The following LDLRAD4 variants were observed in gnomAD, a reference collection of about 807,000 sequenced individuals.
LDLRAD4 encodes the protein low density lipoprotein receptor class A domain containing 4.
LDLRAD4 carries 5 observed loss-of-function variants against 17.0 expected under a neutral mutation model. That is an observed-to-expected ratio of 0.29 (90% CI 0.15 to 0.62). The LOEUF (loss-of-function observed/expected upper bound fraction) is 0.62, where lower values mean the gene tolerates loss of function less well. Ranked by LOEUF, LDLRAD4 falls within the 20% of genes least tolerant of loss-of-function variation. The pLI is 0.84. For synonymous variants in LDLRAD4, 168 were observed against 171.8 expected, an observed-to-expected ratio of 0.98 and a Z score of 0.17; for missense variants, 340 against 424.7, an observed-to-expected ratio of 0.80 and a Z score of 1.75.
chr18:13,414,320 G>A (rs1193651123), intron 2 of LDLRAD4, among the ~76,000 whole-genome samples: 2 of 152,238 alleles, frequency 1.3e-5, no homozygotes, highest in African/African-American at 4.8e-5. Context: ...CATCCTTGTA[G>A]GATGGGGTTA....
chr18:13,465,108 G>A (rs79715072), intron 3 of LDLRAD4: 1 of 152,178 alleles, frequency 6.6e-6, no homozygotes, highest in Non-Finnish European at 1.5e-5. Flanking sequence ...CTCCATCGCT[G>A]TTAGTAAGTA....
In LDLRAD4 at chr18:13,641,888, A is replaced by G. The variant is rs370173487; in HGVS notation, c.337-1471A>G. 354 of 985,472 alleles carry G rather than the reference A, an allele frequency of 3.6e-4. 7 individuals are homozygous for G. The South Asian group carries it at 0.015, about 42-fold the overall frequency. The allele number at this position is 985,472 out of a possible 1,614,324, so 61.0% of individuals were successfully genotyped here. ...TTTCAGGAACCGCTCAGCCCCTCTG[A>G]GTGCCCCGCAGATGGACCTGGCGGC... On this transcript the variant is annotated intron_variant, in intron 4 of 5. Coordinates refer to ENST00000359446, the Ensembl canonical transcript of LDLRAD4.
intron 4 of LDLRAD4, among the ~76,000 whole-genome samples, chr18:13,629,831 T>G (rs1601813288): frequency 6.6e-6 from 1 of 151,178 alleles, no homozygotes; most frequent in South Asian, 2.1e-4. Context: ...TAACTCTGGG[T>G]GGCCCCTGTT....
chr18:13,635,251 C>T (rs1450616040), intron 4 of LDLRAD4, among the ~76,000 whole-genome samples: 1 of 152,142 alleles, frequency 6.6e-6, no homozygotes, highest in East Asian at 1.9e-4. Context: ...GATGAGGCCA[C>T]TCTTCCCGGT....
intron 3 of LDLRAD4, among the ~76,000 whole-genome samples, chr18:13,545,683 A>C (rs774908799): frequency 2.3e-4 from 35 of 152,180 alleles, no homozygotes; most frequent in Non-Finnish European, 4.3e-4. Flanking sequence ...GGAGGGTGGG[A>C]AACTGGCGGG....
intron 2 of LDLRAD4, among the ~76,000 whole-genome samples, chr18:13,425,214 G>T (rs1013645503): frequency 6.6e-6 from 1 of 152,190 alleles, no homozygotes; most frequent in Non-Finnish European, 1.5e-5. Flanking sequence ...TTTAAAGGTG[G>T]TAAGCCTTAT....
intron 1 of LDLRAD4, among the ~76,000 whole-genome samples, chr18:13,270,445 C>T (rs960559283): frequency 2.6e-5 from 4 of 152,050 alleles, no homozygotes; most frequent in African/African-American, 9.7e-5. Context: ...TTGGCCGGGT[C>T]GAGAGGGCAA....
At chr18:13,559,135 C>T (rs1248143869) in intron 3 of LDLRAD4, among the ~76,000 whole-genome samples, 1 of 152,220 alleles carries the variant, frequency 6.6e-6, no homozygotes, top group Non-Finnish European at 1.5e-5. Context: ...GTAAAGGTGT[C>T]ACTGTCTCTT....
At chr18:13,247,957 C>CA (rs1555627098) in intron 1 of LDLRAD4, among the ~76,000 whole-genome samples, 1 of 96,092 alleles carries the variant, frequency 1.0e-5, no homozygotes, top group Admixed American at 1.4e-4. Context: ...CGCCGCCCCC[C>CA]GCCTTTTTTT....
chr18:13,236,115 G>C (rs2042316371), intron 1 of LDLRAD4, among the ~76,000 whole-genome samples: 1 of 152,128 alleles, frequency 6.6e-6, no homozygotes, highest in Admixed American at 6.5e-5. Flanking sequence ...GCGCGGTGGA[G>C]TTGCTATGGG....
chr18:13,645,065 G>T lies in LDLRAD4; in HGVS notation c.391-62G>T. On this transcript the variant is annotated intron_variant, in intron 5 of 5. Transcript: ENST00000359446. This position sits in a 1 kb window ranked among gnomAD's most constrained non-coding sequence, Gnocchi z 5.7. ...ACCAAGCGTAACTTTCCTTGATTCT[G>T]ACACATTTATGGTCATCATTGCGCT... 2 of 1,370,210 alleles carry T rather than the reference G, an allele frequency of 1.5e-6. No individual in the cohort carries two copies. Among genetic ancestry groups the T allele is most frequent in the South Asian group, 2.7e-5 (2 of 74,338 alleles). The allele number at this position is 1,370,210 out of a possible 1,614,324, so 84.9% of individuals were successfully genotyped here.
chr18:13,517,010 C>T (rs914367290), intron 3 of LDLRAD4, among the ~76,000 whole-genome samples: 6 of 152,156 alleles, frequency 3.9e-5, no homozygotes, highest in African/African-American at 1.2e-4. Flanking sequence ...CTGCCACACC[C>T]GGCTAATTGT....
At chr18:13,331,734 C>T (rs1308829784) in intron 1 of LDLRAD4, among the ~76,000 whole-genome samples, 1 of 152,226 alleles carries the variant, frequency 6.6e-6, no homozygotes, top group East Asian at 1.9e-4. Context: ...TGACTATAAC[C>T]ATGAACAGTA....
intron 4 of LDLRAD4, among the ~76,000 whole-genome samples, chr18:13,639,311 C>A (rs1018022370): frequency 6.6e-6 from 1 of 152,182 alleles, no homozygotes; most frequent in Non-Finnish European, 1.5e-5. Context: ...AGACCCCCAA[C>A]CTAGACAAGG....
intron 1 of LDLRAD4, among the ~76,000 whole-genome samples, chr18:13,312,579 A>G (rs894072043): frequency 1.3e-5 from 2 of 152,132 alleles, no homozygotes; most frequent in South Asian, 4.1e-4. Flanking sequence ...CCATCCCTAC[A>G]AAATGTACAG....
intron 3 of LDLRAD4, among the ~76,000 whole-genome samples, chr18:13,568,417 C>G (rs2094637219): frequency 6.6e-6 from 1 of 152,260 alleles, no homozygotes; most frequent in South Asian, 2.1e-4. Flanking sequence ...CACTTAGTGT[C>G]CAGCTCTGAG....
At chr18:13,532,263 A>T (rs1263324844) in intron 3 of LDLRAD4, among the ~76,000 whole-genome samples, 1 of 152,228 alleles carries the variant, frequency 6.6e-6, no homozygotes, top group African/African-American at 2.4e-5. Context: ...GAAGCAGCCG[A>T]CTTCTGGAGT....
At chr18:13,264,304 G>A (rs1457897376) in intron 1 of LDLRAD4, among the ~76,000 whole-genome samples, 4 of 152,252 alleles carry the variant, frequency 2.6e-5, no homozygotes, top group Non-Finnish European at 5.9e-5. Flanking sequence ...GACCTGGAGG[G>A]CTTCCCAGCC....
chr18:13,389,503 A>G (rs1285975690), intron 2 of LDLRAD4, among the ~76,000 whole-genome samples: 1 of 152,210 alleles, frequency 6.6e-6, no homozygotes, highest in Non-Finnish European at 1.5e-5. Context: ...TTTGATGTAA[A>G]GAAGCTCTTC....
Sources: allele counts gnomAD v4.1 joint callset (sites outside exome capture counted in the v4.1 genomes callset), GRCh38; gene constraint gnomAD v4.1.1; non-coding constraint Gnocchi (gnomAD v3.1); transcripts MANE v1.5; gene names NCBI Gene and HGNC (gene_info 2026-07-23, HGNC 2026-07-21).